The following DISP1 variants were observed in gnomAD, a reference collection of about 807,000 sequenced individuals.
The protein encoded by DISP1 is protein dispatched homolog 1.
A neutral mutation model predicts 37.3 loss-of-function variants in DISP1; 30 were observed. That is an observed-to-expected ratio of 0.80 (90% CI 0.60 to 1.09). The LOEUF is 1.09. DISP1 is among the 50% of genes least tolerant of loss of function. DISP1 has a pLI of 0.00. For missense variants in DISP1, 1,598 were observed against 1,879.5 expected (o/e 0.85, Z 2.77); for synonymous variants, 634 against 690.2 (o/e 0.92, Z 1.28).
At chr1:222,985,175 A>G (rs1000263137) in intron 4 of DISP1, among the ~76,000 whole-genome samples, 3 of 152,182 alleles carry the variant, frequency 2.0e-5, no homozygotes, top group Admixed American at 1.3e-4. Flanking sequence ...CTTTGAAAAG[A>G]TTTCTTTCTC....
At chr1:222,980,398 C>T (rs955095310) in intron 3 of DISP1, among the ~76,000 whole-genome samples, 8 of 142,826 alleles carry the variant, frequency 5.6e-5, no homozygotes, top group African/African-American at 1.6e-4. Flanking sequence ...TAGGAATGGG[C>T]TGATGTAACA....
chr1:222,941,270 T>C (rs1393024429), intron 2 of DISP1, among the ~76,000 whole-genome samples: 1 of 152,182 alleles, frequency 6.6e-6, no homozygotes, highest in Non-Finnish European at 1.5e-5. Context: ...TGGATGTTTG[T>C]TTAACACTGG....
chr1:222,950,507 G>A (rs868786447), intron 3 of DISP1, among the ~76,000 whole-genome samples: 25 of 152,224 alleles, frequency 1.6e-4, no homozygotes, highest in African/African-American at 5.5e-4. Flanking sequence ...GGCTGAGGCA[G>A]GAGAATGGCC....
chr1:222,951,090 G>A (rs1194025422), intron 3 of DISP1, among the ~76,000 whole-genome samples: 1 of 152,092 alleles, frequency 6.6e-6, no homozygotes, highest in Non-Finnish European at 1.5e-5. Flanking sequence ...CATTTTGAAT[G>A]TTTCATGTGA....
In DISP1 at chr1:222,932,057, A is replaced by T. The variant is rs17536653; in HGVS notation, c.-18+3487A>T. On this transcript the variant is annotated intron_variant, in intron 2 of 8. Transcript: ENST00000675850. ...AAAAAAGTAAAGATAGTTTAAACTT[A>T]GAGTACCAGGTCCAACTGTTTTCTA... is the stretch of plus-strand genomic sequence containing the variant. Among the ~76,000 whole-genome samples, 1,382 of 152,106 alleles carry T rather than the reference A, an allele frequency of 9.1e-3. 8 individuals carry two copies. The highest frequency in any genetic ancestry group is 0.015 in the Non-Finnish European group (989 of 67,866).
chr1:222,886,551 A>G (rs547583381), intron 1 of DISP1, among the ~76,000 whole-genome samples: 8 of 152,380 alleles, frequency 5.3e-5, no homozygotes, highest in African/African-American at 1.9e-4. Flanking sequence ...GTATAGAAGA[A>G]GACAACTGAG....
At chr1:222,922,598 G>A (rs1015682742) in intron 1 of DISP1, among the ~76,000 whole-genome samples, 2 of 152,124 alleles carry the variant, frequency 1.3e-5, no homozygotes, top group African/African-American at 4.8e-5. Context: ...GCAGAAGTAG[G>A]AAAATCAAGA....
At chr1:222,852,053 G>A (rs549370935) in intron 1 of DISP1, among the ~76,000 whole-genome samples, 43 of 152,054 alleles carry the variant, frequency 2.8e-4, no homozygotes, top group Non-Finnish European at 4.7e-4. Context: ...GTGTGGTGGC[G>A]CATGCCTGTA....
At chr1:222,903,131 A>G (rs1008511796) in intron 1 of DISP1, among the ~76,000 whole-genome samples, 1 of 151,958 alleles carries the variant, frequency 6.6e-6, no homozygotes, top group Non-Finnish European at 1.5e-5. Context: ...ATAAAAAATG[A>G]TGAGTTCATG....
intron 2 of DISP1, among the ~76,000 whole-genome samples, chr1:222,939,002 CA>C (rs1674178965): frequency 6.6e-6 from 1 of 152,054 alleles, no homozygotes; most frequent in Admixed American, 6.6e-5. Flanking sequence ...CTTATGAGGT[CA>C]AATTGATTGG....
At chr1:222,932,355 GT>G (rs1367622300) in intron 2 of DISP1, among the ~76,000 whole-genome samples, 3 of 151,880 alleles carry the variant, frequency 2.0e-5, no homozygotes, top group African/African-American at 7.2e-5. Context: ...TGATTCTAAT[GT>G]GCAGCCAGAG....
chr1:222,860,385 T>C (rs1304498714), intron 1 of DISP1, among the ~76,000 whole-genome samples: 1 of 152,206 alleles, frequency 6.6e-6, no homozygotes, highest in Non-Finnish European at 1.5e-5. Flanking sequence ...CACTTGGGAA[T>C]AATATTTAGA....
At position 222,898,548 on chromosome 1, in the gene DISP1, GT is replaced by G. The variant is rs5781289; in HGVS notation, c.-158-29869del. On this transcript the variant is annotated intron_variant, in intron 1 of 8. Coordinates refer to ENST00000675850, the MANE Select transcript of DISP1 (RefSeq NM_001377229.1). ...TTTTACACATGTGCCATGTACCACT[GT>G]TTTTTTTTTTTTAATTTCAACTTTT... 6.3e-4 allele frequency among the ~76,000 whole-genome samples: 93 copies of G among 146,836 alleles called. 1 individual carries two copies. The highest frequency in any genetic ancestry group is 9.9e-4 in the Non-Finnish European group (66 of 66,696).
chr1:222,864,117 A>G (rs1669039885), intron 1 of DISP1, among the ~76,000 whole-genome samples: 2 of 152,222 alleles, frequency 1.3e-5, no homozygotes, highest in Admixed American at 6.5e-5. Flanking sequence ...TATCTAAACT[A>G]AGAGTTCATA....
At chr1:222,936,988 A>G (rs1337348799) in intron 2 of DISP1, among the ~76,000 whole-genome samples, 2 of 73,880 alleles carry the variant, frequency 2.7e-5, no homozygotes, top group African/African-American at 8.7e-5. Context: ...TATAATATAT[A>G]TAATATTATA....
At chr1:222,897,529 A>T (rs533550105) in intron 1 of DISP1, among the ~76,000 whole-genome samples, 70 of 152,324 alleles carry the variant, frequency 4.6e-4, no homozygotes, top group African/African-American at 1.6e-3. Flanking sequence ...AATAATGAAA[A>T]ATATTGTTAG....
chr1:222,962,970 A>G (rs576965643), intron 3 of DISP1, among the ~76,000 whole-genome samples: 3 of 152,340 alleles, frequency 2.0e-5, no homozygotes, highest in African/African-American at 4.8e-5. Context: ...AGCAAAAGAA[A>G]CTATCACCAG....
At chr1:222,928,604 T>C (rs1352928039) in intron 2 of DISP1, 34 bp downstream of exon 2, 1 of 152,240 alleles carries the variant, frequency 6.6e-6, no homozygotes, top group East Asian at 1.9e-4. Flanking sequence ...TGAATATGTG[T>C]GTGAGAAATG....
chr1:222,839,970 A>G (rs1667488576), intron 1 of DISP1, among the ~76,000 whole-genome samples: 1 of 152,124 alleles, frequency 6.6e-6, no homozygotes, highest in South Asian at 2.1e-4. Context: ...AGCTTAATGA[A>G]GCCTAATCTA....
Sources: gnomAD v4.1 joint callset for allele counts (sites outside exome capture counted in the v4.1 genomes callset) on GRCh38, gnomAD v4.1.1 for gene constraint, MANE v1.5 for transcripts, NCBI Gene and HGNC (gene_info 2026-07-23, HGNC 2026-07-21) for gene names.